Variants in NKAIN4 observed in about 807,000 individuals in gnomAD.
NKAIN4 encodes sodium/potassium-transporting ATPase subunit beta-1-interacting protein 4.
In NKAIN4, 28 loss-of-function variants were observed where a neutral mutation model predicts 28.8. That is an observed-to-expected ratio of 0.97 (90% confidence interval 0.72 to 1.33). The LOEUF (loss-of-function observed/expected upper bound fraction) is 1.33. Ranked by LOEUF, NKAIN4 falls within the 40% of genes most tolerant of loss-of-function variation. The pLI, the probability that NKAIN4 is intolerant of heterozygous loss-of-function variation, is 0.00. For missense variants in NKAIN4, 289 were observed against 277.2 expected (o/e 1.04, Z -0.30); for synonymous variants, 122 against 115.6 (o/e 1.06, Z -0.36).
chr20:63,249,838 G>A (rs764099901), intron 2 of NKAIN4, 97 bp downstream of exon 2: 1 of 1,316,098 alleles, frequency 7.6e-7, no homozygotes, highest in Non-Finnish European at 1.1e-6. Context: ...GGTGTTCAGT[G>A]GTGTCCAGGA....
rs1192398443 is a variant in NKAIN4, at chr20:63,249,840, T to A, written c.192+95A>T. 6.8e-6 allele frequency: 9 copies of A among 1,330,890 alleles called. No individual in the cohort carries two copies. The East Asian group carries it at 1.6e-4, about 24-fold the overall frequency. The allele number at this position is 1,330,890 out of a possible 1,614,324, so 82.4% of individuals were successfully genotyped here. A position where few individuals can be genotyped will look rare whatever the true frequency, so the allele number is the denominator to read the frequency against. ...TTGGCATTTGTGGGGTGTTCAGTGG[T>A]GTCCAGGAAAATATGCCAGGATGGT... On this transcript the variant is annotated intron_variant, in intron 2 of 6. Coordinates refer to ENST00000370316, the MANE Select transcript of NKAIN4 (RefSeq NM_152864.4).
chr20:63,254,195 G>C (rs2123145335), intron 1 of NKAIN4: 1 of 448,394 alleles, frequency 2.2e-6, no homozygotes, highest in Admixed American at 4.6e-5. Flanking sequence ...ACCGGGGACG[G>C]GACCCGGCGC....
At chr20:63,253,217 C>T in intron 1 of NKAIN4, 1 of 985,520 alleles carries the variant, frequency 1.0e-6, no homozygotes, top group Non-Finnish European at 1.2e-6. Context: ...GAGCCACTCA[C>T]TGAAAGATAC....
chr20:63,241,695 G>A (rs2066754317), intron 6 of NKAIN4, 189 bp from the exon 7 acceptor site: 3 of 704,688 alleles, frequency 4.3e-6, no homozygotes, highest in Admixed American at 2.0e-5. Flanking sequence ...TCTCTGTGCC[G>A]GCAGGTCAGC....
At chr20:63,247,545 T>G (rs763427372) in intron 4 of NKAIN4, 33 bp downstream of exon 4, 1 of 1,542,754 alleles carries the variant, frequency 6.5e-7, no homozygotes, top group African/African-American at 1.4e-5. Flanking sequence ...CATCAACCCA[T>G]CCCCACCCGG....
chr20:63,254,715 A>T, upstream of NKAIN4: 3 of 267,500 alleles, frequency 1.1e-5, no homozygotes, highest in Admixed American at 5.4e-5. Context: ...CCTCTCGGGT[A>T]GCGAGGGGCG....
At chr20:63,253,030 T>A (rs1451797091) in intron 1 of NKAIN4, among the ~76,000 whole-genome samples, 1 of 152,138 alleles carries the variant, frequency 6.6e-6, no homozygotes, top group South Asian at 2.1e-4. Context: ...TTCCTGACGC[T>A]CATGCATCAC....
In NKAIN4 at chr20:63,247,779, G is replaced by C; in HGVS notation, c.274-4C>G. ...TGAAGGTCAGTAGCTCGCTGTCCTA[G>C]GGGAGAGGTGCAGGAGCAGGGCCGG... On this transcript the variant is annotated splice_region_variant and splice_polypyrimidine_tract_variant and intron_variant, in intron 3 of 6. Transcript: ENST00000370316. 1 of 1,448,718 alleles carries C rather than the reference G, an allele frequency of 6.9e-7. No individual in the cohort carries two copies. Among genetic ancestry groups the C allele is most frequent in the Non-Finnish European group, 9.1e-7 (1 of 1,096,494 alleles). 89.7% of individuals were successfully genotyped at this position (1,448,718 alleles called of 1,614,324 possible).
chr20:63,241,824 C>A (rs900700568), intron 6 of NKAIN4: 63 of 524,332 alleles, frequency 1.2e-4, no homozygotes, highest in Non-Finnish European at 2.1e-4. Flanking sequence ...GTGACCCCAC[C>A]CCTTCCCAGG....
chr20:63,247,744 C>G lies in NKAIN4; in HGVS notation c.305G>C (p.Arg102Pro). The G allele has an allele frequency of 2.7e-6, 4 of 1,480,746 alleles. No homozygotes were observed. Among genetic ancestry groups the G allele is most frequent in the South Asian group, 2.8e-5 (2 of 71,872 alleles). 91.7% of individuals were successfully genotyped at this position (1,480,746 alleles called of 1,614,324 possible). A position where few individuals can be genotyped will look rare whatever the true frequency, so the allele number is the denominator to read the frequency against. ...GCGCTCACGCCACCAGGAGCGATGC[C>G]GGGAGAGGCTGAAGGTCAGTAGCTC... ...DSELLTFSLS[R>P]HRSWWRERWP... Residue 102 changes from arginine (R) to proline (P), a missense_variant, in exon 4 of 7, where the codon CGG becomes CCG. Physicochemically the swap from Arg to Pro is moderately radical, Grantham distance 103. Transcript: ENST00000370316.
At chr20:63,251,697 A>G (rs946794429) in intron 1 of NKAIN4, among the ~76,000 whole-genome samples, 73 of 152,354 alleles carry the variant, frequency 4.8e-4, no homozygotes, top group African/African-American at 1.7e-3. Flanking sequence ...TTATTATAAT[A>G]CGGGAACAAA....
intron 2 of NKAIN4, chr20:63,249,322 G>A (rs1409759992): frequency 1.3e-5 from 3 of 233,232 alleles, no homozygotes; most frequent in South Asian, 1.2e-4. Flanking sequence ...AAAGTTTTGC[G>A]GACACAGCCA....
chr20:63,246,543 G>A (rs774024338), intron 4 of NKAIN4: 46 of 985,354 alleles, frequency 4.7e-5, no homozygotes, highest in Non-Finnish European at 5.3e-5. Context: ...CGTGTGCTCA[G>A]GCCACGGGCT....
In NKAIN4 at chr20:63,254,437, G is replaced by T; in HGVS notation, c.14C>A (p.Ser5Tyr). 7.1e-7 allele frequency: 1 copy of T among 1,416,178 alleles called. No individual in the cohort carries two copies. The allele number at this position is 1,416,178 out of a possible 1,614,324, so 87.7% of individuals were successfully genotyped here. ...GAGGACGACGAGCGCGCAGCGGCCG[G>T]AGCAGGAGCCCATGGTGCCCGCCTA... The part of the protein sequence containing the change: MGSC[S>Y]GRCALVVLCA... The change falls in exon 1 of 7, where the codon TCC (serine) becomes TAC (tyrosine). Residue 5 changes from serine (S) to tyrosine (Y), a missense_variant. Transcript: ENST00000370316.
Position 63,250,023 on chromosome 20 carries a change from G to A in NKAIN4, c.104C>T (p.Ala35Val), listed in dbSNP as rs145609111. The part of the protein sequence containing the change: ...QVFDFLGYQW[A>V]PILANFVHII... ...GTGGACAAAGTTGGCCAGGATGGGCGCCCACTGGTAGCCCAGGAAGTCAAA... is the reference window on the plus strand; with the variant it reads ...GTGGACAAAGTTGGCCAGGATGGGCACCCACTGGTAGCCCAGGAAGTCAAA... Residue 35 changes from alanine to valine, a missense_variant, in exon 2 of 7, where the codon GCG becomes GTG. Coordinates refer to ENST00000370316, the MANE Select transcript of NKAIN4 (RefSeq NM_152864.4). 3.5e-5 allele frequency: 57 copies of A among 1,606,082 alleles called. No individual in the cohort carries two copies. The highest frequency in any genetic ancestry group is 2.3e-4 in the South Asian group (21 of 90,046).
At chr20:63,254,086 C>T (rs924674475) in intron 1 of NKAIN4, 6 of 390,494 alleles carry the variant, frequency 1.5e-5, no homozygotes, top group African/African-American at 4.3e-5. Flanking sequence ...GGGGTCCAGG[C>T]GGCCCCGCCC....
rs1277400117 is a variant in NKAIN4, at chr20:63,245,502, C to T, written c.472-1418G>A. Among the ~76,000 whole-genome samples, 1 of 152,084 alleles carries T rather than the reference C, an allele frequency of 6.6e-6. No homozygotes were observed. Among genetic ancestry groups the T allele is most frequent in the Non-Finnish European group, 1.5e-5 (1 of 68,012 alleles). ...ACACCCCCATGCTCCCCGCCCTGCA[C>T]ACCACCGCCTCCTGCCCATCCTCCT... is the stretch of plus-strand genomic sequence containing the variant. On this transcript the variant is annotated intron_variant, in intron 4 of 6. Coordinates refer to ENST00000370316, the MANE Select transcript of NKAIN4 (RefSeq NM_152864.4). The surrounding 1 kb of genome is among the most constrained non-coding windows in gnomAD (Gnocchi z 4.7).
rs2066987075 is a variant in NKAIN4 at position 63,252,977 on chromosome 20, A to C, written c.54+1420T>G. Reference sequence around the variant, plus strand: ...AGCACATCCTCACACCACCTTCAACAGATGGAAACCAATGTCACTAGTGTC... The same window carrying C: ...AGCACATCCTCACACCACCTTCAACCGATGGAAACCAATGTCACTAGTGTC... On this transcript the variant is annotated intron_variant, in intron 1 of 6. Coordinates refer to ENST00000370316, the MANE Select transcript of NKAIN4 (RefSeq NM_152864.4). This position sits in a 1 kb window ranked among gnomAD's most constrained non-coding sequence, Gnocchi z 4.6. Among the ~76,000 whole-genome samples, 1 of 152,146 alleles carries C rather than the reference A, an allele frequency of 6.6e-6. No individual in the cohort carries two copies. The highest frequency in any genetic ancestry group is 2.1e-4 in the South Asian group (1 of 4,826).
rs1198891037 is a variant in NKAIN4, at chr20:63,252,252, G to C, written c.54+2145C>G. ...ACCATGGAAGCAGGTGACCCTGGTG[G>C]CCCTGCCAGGACCCAGCCCCAAACC... On this transcript the variant is annotated intron_variant, in intron 1 of 6. Transcript: ENST00000370316. The surrounding 1 kb of genome is among the most constrained non-coding windows in gnomAD (Gnocchi z 4.6). Among the ~76,000 whole-genome samples, 1 of 152,130 alleles carries C rather than the reference G, an allele frequency of 6.6e-6. No individual in the cohort carries two copies. The highest frequency in any genetic ancestry group is 1.9e-4 in the East Asian group (1 of 5,192).
Sources: gnomAD v4.1 joint callset for allele counts (sites outside exome capture counted in the v4.1 genomes callset) on GRCh38, gnomAD v4.1.1 for gene constraint, Gnocchi (gnomAD v3.1) non-coding constraint, MANE v1.5 for transcripts, NCBI Gene and HGNC (gene_info 2026-07-23, HGNC 2026-07-21) for gene names.